Variants in GRID2 observed in about 807,000 individuals in gnomAD.
GRID2 encodes glutamate receptor ionotropic, delta-2.
Under a neutral mutation model 114.8 loss-of-function variants are expected in GRID2, and 33 were observed. The ratio of observed to expected loss-of-function variants is 0.29; its 90% CI spans 0.22 to 0.38. GRID2 has a LOEUF of 0.38. Ranked by LOEUF, GRID2 falls within the 10% of genes least tolerant of loss-of-function variation. The probability of loss-of-function intolerance (pLI) is 1.00; values close to 1 mark genes in which losing one functional copy is unlikely to be tolerated. For missense variants in GRID2, 1,184 were observed against 1,257.7 expected (o/e 0.94, Z 0.89); for synonymous variants, 505 against 449.9 (o/e 1.12, Z -1.55).
intron 9 of GRID2, among the ~76,000 whole-genome samples, chr4:93,419,971 T>C (rs1218117078): frequency 2.0e-5 from 3 of 152,106 alleles, no homozygotes; most frequent in Non-Finnish European, 4.4e-5. Flanking sequence ...AAATTCATAA[T>C]TTTTTAAGTG....
At chr4:93,299,428 G>T (rs564318486) in intron 8 of GRID2, among the ~76,000 whole-genome samples, 1 of 134,858 alleles carries the variant, frequency 7.4e-6, no homozygotes, top group African/African-American at 3.8e-5. Flanking sequence ...TGTTTGAAAC[G>T]GGGAAAAAAA....
chr4:92,323,796 G>A (rs1726452633), intron 1 of GRID2, among the ~76,000 whole-genome samples: 1 of 151,964 alleles, frequency 6.6e-6, no homozygotes, highest in Non-Finnish European at 1.5e-5. Context: ...TGGAAAGACT[G>A]TTAGAGATTG....
At chr4:92,483,017 CTTG>C (rs1405848850) in intron 1 of GRID2, among the ~76,000 whole-genome samples, 2 of 152,120 alleles carry the variant, frequency 1.3e-5, no homozygotes, top group African/African-American at 4.8e-5. Flanking sequence ...TCTAGACAAA[CTTG>C]TTGTTCAACT....
At chr4:93,797,322 ACTT>A (rs1410590016) in intron 1 of GRID2, among the ~76,000 whole-genome samples, 5 of 152,140 alleles carry the variant, frequency 3.3e-5, no homozygotes, top group Admixed American at 2.6e-4. Flanking sequence ...TTTGAATAAA[ACTT>A]CTTTTTCTAG....
Position 92,414,746 on chromosome 4 carries a change from T to A in GRID2, c.88+110002T>A, listed in dbSNP as rs76691498. On this transcript the variant is annotated intron_variant, in intron 1 of 15. Transcript: ENST00000282020. ...CATGTGGATGCTGCATGAAGGTTTTTTTATATTTAGTTTCTACTGGGACTA... is the reference window on the plus strand; with the variant it reads ...CATGTGGATGCTGCATGAAGGTTTTATTATATTTAGTTTCTACTGGGACTA... Among the ~76,000 whole-genome samples, 1,317 of 152,286 alleles carry A rather than the reference T, an allele frequency of 8.6e-3. 18 individuals carry two copies. Among genetic ancestry groups the A allele is most frequent in the African/African-American group, 0.03 (1,261 of 41,556 alleles).
At chr4:93,550,713 T>C (rs1733674787) in intron 13 of GRID2, among the ~76,000 whole-genome samples, 1 of 152,200 alleles carries the variant, frequency 6.6e-6, no homozygotes, top group South Asian at 2.1e-4. Context: ...TATATTCCAA[T>C]ATGTTGAATA....
At chr4:92,921,890 T>C (rs562159744) in intron 2 of GRID2, among the ~76,000 whole-genome samples, 112 of 152,322 alleles carry the variant, frequency 7.4e-4, no homozygotes, top group African/African-American at 2.6e-3. Flanking sequence ...ACGGGTACAT[T>C]TAAGTCTGCA....
chr4:93,342,767 T>G (rs953388984), intron 8 of GRID2, among the ~76,000 whole-genome samples: 1 of 152,198 alleles, frequency 6.6e-6, no homozygotes, highest in African/African-American at 2.4e-5. Flanking sequence ...TGCAAATTAT[T>G]ATGTTTCCTT....
chr4:92,481,195 ATTGT>A (rs1186181320), intron 1 of GRID2, among the ~76,000 whole-genome samples: 2 of 152,142 alleles, frequency 1.3e-5, no homozygotes, highest in African/African-American at 4.8e-5. Flanking sequence ...TCTTGAGAAA[ATTGT>A]TTATTATCTT....
chr4:93,722,120 A>G (rs191455642), intron 14 of GRID2, among the ~76,000 whole-genome samples: 285 of 151,950 alleles, frequency 1.9e-3, no homozygotes, highest in African/African-American at 5.9e-3. Context: ...GGGTTTCACC[A>G]TGTTGGCCAG....
At chr4:93,608,043 C>CATATATATATAT (rs59824778) in intron 13 of GRID2, among the ~76,000 whole-genome samples, 54 of 146,228 alleles carry the variant, frequency 3.7e-4, no homozygotes, top group African/African-American at 6.5e-4. Flanking sequence ...TCTAACTTTA[C>CATATATATATAT]ATATATATAT....
intron 14 of GRID2, among the ~76,000 whole-genome samples, chr4:93,738,944 C>T (rs957081514): frequency 6.6e-6 from 1 of 152,050 alleles, no homozygotes; most frequent in African/African-American, 2.4e-5. Flanking sequence ...CTGAGAAAAA[C>T]AGAGTTTTAA....
At chr4:93,615,653 A>AG (rs1016977757) in intron 13 of GRID2, among the ~76,000 whole-genome samples, 1 of 151,718 alleles carries the variant, frequency 6.6e-6, no homozygotes, top group African/African-American at 2.4e-5. Context: ...AAAAAAAAAA[A>AG]AGGAAATTGA....
At chr4:93,061,007 G>T (rs532405409) in intron 2 of GRID2, among the ~76,000 whole-genome samples, 1 of 151,940 alleles carries the variant, frequency 6.6e-6, no homozygotes, top group Admixed American at 6.6e-5. Context: ...GGAGGCTGAG[G>T]CAGGAGAATT....
intron 2 of GRID2, among the ~76,000 whole-genome samples, chr4:92,959,443 C>T (rs1194642907): frequency 6.6e-6 from 1 of 151,394 alleles, no homozygotes; most frequent in Non-Finnish European, 1.5e-5. Flanking sequence ...TCTTCTTTGA[C>T]CTGTATGCTA....
chr4:92,910,877 C>T (rs1046787486), intron 2 of GRID2, among the ~76,000 whole-genome samples: 1 of 151,990 alleles, frequency 6.6e-6, no homozygotes, highest in African/African-American at 2.4e-5. Flanking sequence ...AAGAAAAAGT[C>T]TGTACATGTT....
At chr4:93,439,501 A>C (rs777561378) in intron 10 of GRID2, among the ~76,000 whole-genome samples, 1 of 152,100 alleles carries the variant, frequency 6.6e-6, no homozygotes, top group East Asian at 1.9e-4. Context: ...GTCTAGGAAC[A>C]ATTAGTCAGT....
intron 1 of GRID2, among the ~76,000 whole-genome samples, chr4:92,314,491 T>C (rs1283027003): frequency 6.6e-6 from 1 of 152,142 alleles, no homozygotes; most frequent in Admixed American, 6.5e-5. Context: ...AAAAAGTTTT[T>C]AATGTGTAGA....
intron 2 of GRID2, among the ~76,000 whole-genome samples, chr4:92,791,484 A>G (rs931417245): frequency 6.6e-6 from 1 of 151,872 alleles, no homozygotes; most frequent in African/African-American, 2.4e-5. Context: ...TGTCATCTAA[A>G]TTTCACATGC....
Sources: allele counts gnomAD v4.1 joint callset (sites outside exome capture counted in the v4.1 genomes callset), GRCh38; gene constraint gnomAD v4.1.1; transcripts MANE v1.5; gene names NCBI Gene and HGNC (gene_info 2026-07-23, HGNC 2026-07-21).